NEGR1: variants seen among roughly 807,000 people sequenced by gnomAD.
The protein encoded by NEGR1 is neuronal growth regulator 1.
NEGR1 carries 10 observed loss-of-function variants against 40.9 expected under a neutral mutation model. The observed-to-expected ratio is 0.24, with a 90% CI of 0.15 to 0.42. The LOEUF (loss-of-function observed/expected upper bound fraction) is 0.42. NEGR1 is among the 10% of genes least tolerant of loss of function. The probability of loss-of-function intolerance (pLI) is 1.00; values close to 1 mark genes in which losing one functional copy is unlikely to be tolerated. For missense variants in NEGR1, 352 were observed against 438.9 expected (o/e 0.80, Z 1.77); for synonymous variants, 185 against 166.8 (o/e 1.11, Z -0.84).
intron 1 of NEGR1, among the ~76,000 whole-genome samples, chr1:72,200,067 G>A (rs1653150049): frequency 6.6e-6 from 1 of 151,900 alleles, no homozygotes; most frequent in African/African-American, 2.4e-5. Context: ...TGCTTATACA[G>A]TGCTGGTAGG....
chr1:71,669,512 T>C (rs919055572), intron 4 of NEGR1, among the ~76,000 whole-genome samples: 5 of 152,204 alleles, frequency 3.3e-5, no homozygotes, highest in African/African-American at 1.2e-4. Context: ...TTTTACTGGA[T>C]AGTCAAGCTT....
intron 1 of NEGR1, among the ~76,000 whole-genome samples, chr1:72,170,283 TG>T (rs1164928384): frequency 3.9e-5 from 6 of 152,312 alleles, no homozygotes; most frequent in Admixed American, 1.3e-4. Context: ...ACTTTTTCAA[TG>T]ATAATATTTG....
At chr1:72,045,915 T>C (rs1229647063) in intron 1 of NEGR1, among the ~76,000 whole-genome samples, 1 of 151,768 alleles carries the variant, frequency 6.6e-6, no homozygotes, top group Non-Finnish European at 1.5e-5. Context: ...TTTGTAAAAC[T>C]GTTAGGAAAT....
intron 4 of NEGR1, among the ~76,000 whole-genome samples, chr1:71,697,360 C>T (rs1653511724): frequency 6.6e-6 from 1 of 151,700 alleles, no homozygotes; most frequent in Non-Finnish European, 1.5e-5. Flanking sequence ...GTAGTCATTG[C>T]TGTTGAAATC....
At chr1:71,996,579 T>G (rs2100369980) in intron 1 of NEGR1, among the ~76,000 whole-genome samples, 1 of 152,252 alleles carries the variant, frequency 6.6e-6, no homozygotes, top group South Asian at 2.1e-4. Flanking sequence ...GATTTTTTAC[T>G]CAACTATCCC....
chr1:71,970,655 T>C (rs1557461648), intron 1 of NEGR1, among the ~76,000 whole-genome samples: 1 of 151,892 alleles, frequency 6.6e-6, no homozygotes, highest in Non-Finnish European at 1.5e-5. Context: ...GCCACTGCAA[T>C]CCACCCTGGG....
chr1:71,818,900 A>T (rs1478985246), intron 2 of NEGR1, among the ~76,000 whole-genome samples: 1 of 151,942 alleles, frequency 6.6e-6, no homozygotes, highest in East Asian at 1.9e-4. Flanking sequence ...ACATGTTACT[A>T]CTAGAAGTAT....
At chr1:71,510,983 A>G (rs560961103) in intron 6 of NEGR1, among the ~76,000 whole-genome samples, 3 of 152,202 alleles carry the variant, frequency 2.0e-5, no homozygotes, top group African/African-American at 7.2e-5. Flanking sequence ...TGATTTAGTT[A>G]GTAAAACTCT....
At chr1:71,529,301 T>A (rs1647289802) in intron 6 of NEGR1, among the ~76,000 whole-genome samples, 2 of 151,238 alleles carry the variant, frequency 1.3e-5, no homozygotes, top group South Asian at 4.1e-4. Context: ...CAATTTTAAC[T>A]TTTTAGATTA....
At chr1:71,484,450 C>G (rs2101376223) in intron 6 of NEGR1, among the ~76,000 whole-genome samples, 1 of 151,790 alleles carries the variant, frequency 6.6e-6, no homozygotes, top group Middle Eastern at 3.4e-3. Context: ...GTTGGCAGTA[C>G]AAATTTATCT....
At chr1:71,512,302 A>T (rs1010252288) in intron 6 of NEGR1, among the ~76,000 whole-genome samples, 2 of 152,156 alleles carry the variant, frequency 1.3e-5, no homozygotes, top group African/African-American at 4.8e-5. Flanking sequence ...TAAAAAAAAA[A>T]TAACATAATG....
intron 4 of NEGR1, among the ~76,000 whole-genome samples, chr1:71,635,512 A>G (rs1249015108): frequency 6.6e-6 from 1 of 152,082 alleles, no homozygotes; most frequent in African/African-American, 2.4e-5. Context: ...TATTTGAGGC[A>G]AAATGGAGAG....
intron 1 of NEGR1, among the ~76,000 whole-genome samples, chr1:72,138,359 C>T (rs939919311): frequency 5.3e-5 from 8 of 151,724 alleles, no homozygotes; most frequent in Non-Finnish European, 1.2e-4. Flanking sequence ...GGGTGATAAA[C>T]CTAAATGTAA....
At chr1:72,010,599 C>T (rs1646647472) in intron 1 of NEGR1, among the ~76,000 whole-genome samples, 2 of 151,838 alleles carry the variant, frequency 1.3e-5, no homozygotes, top group South Asian at 2.1e-4. Context: ...ATTTATATTC[C>T]TCTCCCTCCC....
chr1:71,798,598 G>A (rs1339533267), intron 2 of NEGR1, among the ~76,000 whole-genome samples: 3 of 152,248 alleles, frequency 2.0e-5, no homozygotes, highest in South Asian at 4.1e-4. Flanking sequence ...TGCTGATGGG[G>A]CGACTAAGGC....
intron 2 of NEGR1, among the ~76,000 whole-genome samples, chr1:71,781,436 G>A (rs1180351024): frequency 6.6e-6 from 1 of 152,146 alleles, no homozygotes; most frequent in African/African-American, 2.4e-5. Context: ...ATTTGGATCT[G>A]GATAGTTGCA....
intron 1 of NEGR1, among the ~76,000 whole-genome samples, chr1:72,021,493 A>T (rs1418061828): frequency 6.6e-6 from 1 of 152,166 alleles, no homozygotes; most frequent in Non-Finnish European, 1.5e-5. Context: ...ATATTAGCAA[A>T]TAGCTGGCAA....
chr1:71,694,235 T>A (rs1442522961), intron 4 of NEGR1, among the ~76,000 whole-genome samples: 2 of 151,014 alleles, frequency 1.3e-5, no homozygotes, highest in Admixed American at 6.6e-5. Context: ...AATGTGTCAA[T>A]TTTTTTTTCT....
intron 4 of NEGR1, among the ~76,000 whole-genome samples, chr1:71,627,710 T>C (rs1353680220): frequency 6.6e-6 from 1 of 152,038 alleles, no homozygotes; most frequent in Non-Finnish European, 1.5e-5. Flanking sequence ...TTCCAAGGAA[T>C]TGTCCAGACT....
Sources: allele counts gnomAD v4.1 joint callset (sites outside exome capture counted in the v4.1 genomes callset), GRCh38; gene constraint gnomAD v4.1.1; transcripts MANE v1.5; gene names NCBI Gene and HGNC (gene_info 2026-07-23, HGNC 2026-07-21).